Variants in CLTC observed in about 807,000 individuals in gnomAD.
The protein encoded by CLTC is clathrin heavy chain, also known as clathrin heavy chain 1.
In CLTC, 16 loss-of-function variants were observed where a neutral mutation model predicts 195.8. That is an observed-to-expected ratio of 0.08 (90% CI 0.06 to 0.12). The LOEUF (loss-of-function observed/expected upper bound fraction) is 0.12. Ranked by LOEUF, CLTC falls within the 10% of genes least tolerant of loss-of-function variation. The pLI is 1.00. For synonymous variants in CLTC, 667 were observed against 689.4 expected, an observed-to-expected ratio of 0.97 and a Z score of 0.51; for missense variants, 796 against 2,027.0, an observed-to-expected ratio of 0.39 and a Z score of 11.66.
rs1453850832 is a variant in CLTC at position 59,680,989 on chromosome 17, C to A, written c.2997C>A (p.Asp999Glu). ...SVTVKAFMTA[D>E]LPNELIELLE... ...CTGTAAAGGCTTTCATGACTGCAGA[C>A]CTTCCTAATGAACTCATTGAACTGC... is the stretch of plus-strand genomic sequence containing the variant. Residue 999 changes from aspartate to glutamate, a missense_variant, in exon 19 of 32, where the codon GAC becomes GAA. Physicochemically the swap from Asp to Glu is conservative, Grantham distance 45. Coordinates refer to ENST00000269122, the MANE Select transcript of CLTC (RefSeq NM_004859.4). 1 of 1,613,716 alleles carries A rather than the reference C, an allele frequency of 6.2e-7. No homozygotes were observed. The highest frequency in any genetic ancestry group is 8.5e-7 in the Non-Finnish European group (1 of 1,179,762).
intron 1 of CLTC, among the ~76,000 whole-genome samples, chr17:59,624,535 C>A (rs1274498061): frequency 7.3e-6 from 1 of 137,596 alleles, no homozygotes; most frequent in Admixed American, 7.9e-5. Context: ...GTGGTGCGAT[C>A]TCGGCTCACA....
chr17:59,679,663 TTATA>T (rs1356874050), intron 18 of CLTC, 144 bp downstream of exon 18: 1 of 529,966 alleles, frequency 1.9e-6, no homozygotes, highest in Non-Finnish European at 2.9e-6. Context: ...AAATTAAAAT[TTATA>T]TATATTCAAT....
rs550018554 is a variant in CLTC, at chr17:59,664,588, T to C, written c.1522-199T>C. ...AAAAAGAAAAGAAAAGAAAAGAAAA[T>C]GGATAAGCCAGTTATAAAAATTGAC... On this transcript the variant is annotated intron_variant, in intron 9 of 31. Coordinates refer to ENST00000269122, the MANE Select transcript of CLTC (RefSeq NM_004859.4). 5 of 429,768 alleles carry C rather than the reference T, an allele frequency of 1.2e-5. No individual in the cohort carries two copies. The East Asian group carries it at 1.2e-4, about 10-fold the overall frequency. 26.6% of individuals were successfully genotyped at this position (429,768 alleles called of 1,614,324 possible).
intron 2 of CLTC, among the ~76,000 whole-genome samples, chr17:59,644,793 C>T (rs1413388623): frequency 1.3e-5 from 2 of 152,112 alleles, no homozygotes; most frequent in Non-Finnish European, 2.9e-5. Context: ...CCTCATGATC[C>T]GCCTGCCTCG....
intron 31 of CLTC, 100 bp from the exon 32 acceptor site, chr17:59,693,628 T>C (rs925409557): frequency 1.4e-5 from 19 of 1,353,552 alleles, no homozygotes; most frequent in Non-Finnish European, 1.9e-5. Flanking sequence ...GTTGAGATTA[T>C]GTTGCTAGAG....
At position 59,658,044 on chromosome 17, in the gene CLTC, C is replaced by T. The variant is rs181357838; in HGVS notation, c.969+2017C>T. 2.9e-3 allele frequency among the ~76,000 whole-genome samples: 442 copies of T among 151,718 alleles called. 3 individuals are homozygous for T. Among genetic ancestry groups the T allele is most frequent in the African/African-American group, 6.1e-3 (252 of 41,382 alleles). On this transcript the variant is annotated intron_variant, in intron 6 of 31. Transcript: ENST00000269122. The stretch of plus-strand genomic sequence containing the variant: ...TGAAACCTCGTCTCTACTAAAAATA[C>T]GAAAAAAAATTAGCTGGGTGTGGTG...
chr17:59,693,921 A>G lies in CLTC; in HGVS notation c.*69A>G. 1 of 1,444,604 alleles carries G rather than the reference A, an allele frequency of 6.9e-7. No homozygotes were observed. The highest frequency in any genetic ancestry group is 2.4e-5 in the Admixed American group (1 of 40,846). The allele number at this position is 1,444,604 out of a possible 1,614,324, so 89.5% of individuals were successfully genotyped here. On this transcript the variant is annotated 3_prime_UTR_variant, in exon 32 of 32. Coordinates refer to ENST00000269122, the MANE Select transcript of CLTC (RefSeq NM_004859.4). ...ATCGTCTTTACCCACTTCTCAGTTT[A>G]TAATGGGGGAAAACAGGCAACGTGT...
chr17:59,657,538 G>A (rs994993867), intron 6 of CLTC, among the ~76,000 whole-genome samples: 3 of 151,920 alleles, frequency 2.0e-5, no homozygotes, highest in Non-Finnish European at 2.9e-5. Flanking sequence ...AGGCCGATGC[G>A]GGCAGATTGC....
chr17:59,664,484 G>T (rs779244673), intron 9 of CLTC, among the ~76,000 whole-genome samples: 11 of 149,554 alleles, frequency 7.4e-5, no homozygotes, highest in Non-Finnish European at 7.4e-5. Context: ...CCAGGGGGCA[G>T]AGGTTTCAGT....
rs1480095966 is a variant in CLTC, at chr17:59,666,262, A to T, written c.1782+22A>T. The T allele has an allele frequency of 6.2e-7, 1 of 1,608,824 alleles. No individual in the cohort carries two copies. On this transcript the variant is annotated intron_variant, in intron 11 of 31. Transcript: ENST00000269122. This position sits in a 1 kb window ranked among gnomAD's most constrained non-coding sequence, Gnocchi z 4.9. Reference sequence around the variant, plus strand: ...TCAAGTATGTGTTTTAATGCTTTTTAGGCATGTTTCCAACATTGTTTTAGT... The same window carrying T: ...TCAAGTATGTGTTTTAATGCTTTTTTGGCATGTTTCCAACATTGTTTTAGT...
intron 1 of CLTC, 125 bp from the exon 2 acceptor site, chr17:59,644,151 A>G (rs2032122236): frequency 2.8e-6 from 2 of 705,906 alleles, no homozygotes; most frequent in Non-Finnish European, 4.7e-6. Flanking sequence ...TTTAATTAAC[A>G]TAATGTAGAT....
At chr17:59,646,795 C>T (rs923529656) in intron 2 of CLTC, among the ~76,000 whole-genome samples, 1 of 152,170 alleles carries the variant, frequency 6.6e-6, no homozygotes, top group African/African-American at 2.4e-5. Context: ...TATCCTCTTC[C>T]TTTGTCTCCC....
At chr17:59,690,890 C>T in intron 31 of CLTC, 179 bp downstream of exon 31, 1 of 432,192 alleles carries the variant, frequency 2.3e-6, no homozygotes, top group Non-Finnish European at 4.1e-6. Context: ...ATATTATTCA[C>T]TAAAATAATC....
At chr17:59,669,318 A>G (rs1334428343) in intron 14 of CLTC, among the ~76,000 whole-genome samples, 2 of 152,182 alleles carry the variant, frequency 1.3e-5, no homozygotes, top group African/African-American at 2.4e-5. Flanking sequence ...AGGAGCCTCT[A>G]TTGTAGGCAA....
intron 1 of CLTC, among the ~76,000 whole-genome samples, chr17:59,643,133 GT>G (rs763813406): frequency 0.015 from 1,081 of 70,378 alleles, 9 homozygotes; most frequent in African/African-American, 0.094. Context: ...CTTTTCTGGG[GT>G]GTGTGTGTGT....
In CLTC at chr17:59,696,825, C is replaced by T; in HGVS notation, c.*2973C>T. On this transcript the variant is annotated 3_prime_UTR_variant, in exon 32 of 32. Coordinates refer to ENST00000269122, the MANE Select transcript of CLTC (RefSeq NM_004859.4). ...TCAAGTTTCAGTGGCTTCATTGTTA[C>T]AAGAAAGGGGGGAAGTGAGAAACTT... 4.9e-6 allele frequency: 1 copy of T among 203,168 alleles called. No homozygotes were observed. Among genetic ancestry groups the T allele is most frequent in the Non-Finnish European group, 1.0e-5 (1 of 98,776 alleles). The allele number at this position is 203,168 out of a possible 1,614,324, so 12.6% of individuals were successfully genotyped here. A position where few individuals can be genotyped will look rare whatever the true frequency, so the allele number is the denominator to read the frequency against.
chr17:59,664,756 G>C (rs750271399), intron 9 of CLTC, 31 bp from the exon 10 acceptor site: 1 of 1,600,170 alleles, frequency 6.2e-7, no homozygotes, highest in Non-Finnish European at 8.5e-7. Flanking sequence ...TGAAACTTAG[G>C]AGCAGCGTTT....
chr17:59,654,320 C>T (rs988686635), intron 5 of CLTC, among the ~76,000 whole-genome samples: 5 of 151,490 alleles, frequency 3.3e-5, no homozygotes, highest in South Asian at 2.1e-4. Context: ...GGATTACAGG[C>T]GCGCACCACC....
chr17:59,639,717 C>T (rs1025455291), intron 1 of CLTC, among the ~76,000 whole-genome samples: 6 of 151,932 alleles, frequency 3.9e-5, no homozygotes, highest in Admixed American at 1.3e-4. Context: ...TACCTGTAAT[C>T]CCAACACTGG....
Sources: allele counts gnomAD v4.1 joint callset (sites outside exome capture counted in the v4.1 genomes callset), GRCh38; gene constraint gnomAD v4.1.1; non-coding constraint Gnocchi (gnomAD v3.1); transcripts MANE v1.5; gene names NCBI Gene and HGNC (gene_info 2026-07-23, HGNC 2026-07-21).